LRMDA: variants seen among roughly 807,000 people sequenced by gnomAD.
LRMDA encodes the protein leucine-rich melanocyte differentiation-associated protein.
A neutral mutation model predicts 29.8 loss-of-function variants in LRMDA; 18 were observed. That is an observed-to-expected ratio of 0.60 (90% CI 0.42 to 0.90). The LOEUF (loss-of-function observed/expected upper bound fraction) is 0.90, where lower values mean the gene tolerates loss of function less well. LRMDA is among the 40% of genes least tolerant of loss of function. LRMDA has a pLI of 0.00. For synonymous variants in LRMDA, 125 were observed against 109.4 expected (o/e 1.14, Z -0.89); for missense variants, 273 against 273.9 (o/e 1.00, Z 0.02).
chr10:76,516,575 A>G (rs1843063788), intron 6 of LRMDA, among the ~76,000 whole-genome samples: 1 of 151,692 alleles, frequency 6.6e-6, no homozygotes, highest in Non-Finnish European at 1.5e-5. Context: ...ATTCCCACCT[A>G]TGAGTGAGAA....
chr10:76,073,209 A>G (rs1391533829), intron 5 of LRMDA, among the ~76,000 whole-genome samples: 1 of 152,188 alleles, frequency 6.6e-6, no homozygotes, highest in Non-Finnish European at 1.5e-5. Context: ...TTTTTTAACA[A>G]TGTTATGGTT....
At chr10:75,495,739 C>T (rs1034017012) in intron 2 of LRMDA, among the ~76,000 whole-genome samples, 14 of 152,182 alleles carry the variant, frequency 9.2e-5, no homozygotes, top group Non-Finnish European at 1.6e-4. Flanking sequence ...ATGCATCCAC[C>T]CTCCTGTGAA....
intron 2 of LRMDA, among the ~76,000 whole-genome samples, chr10:76,024,063 G>C (rs900051727): frequency 1.3e-5 from 2 of 152,170 alleles, no homozygotes; most frequent in Admixed American, 6.5e-5. Flanking sequence ...ACCAGGACTT[G>C]AAAACAGAGC....
intron 5 of LRMDA, among the ~76,000 whole-genome samples, chr10:76,115,574 A>C (rs947429955): frequency 6.6e-6 from 1 of 152,202 alleles, no homozygotes; most frequent in Admixed American, 6.5e-5. Flanking sequence ...AGGGAGCTAA[A>C]CTTTAATCTC....
At chr10:76,287,280 T>C (rs1325046151) in intron 5 of LRMDA, among the ~76,000 whole-genome samples, 6 of 152,108 alleles carry the variant, frequency 3.9e-5, no homozygotes, top group African/African-American at 9.7e-5. Context: ...AATCTTAGTT[T>C]TGTTTCTATC....
intron 5 of LRMDA, among the ~76,000 whole-genome samples, chr10:76,297,093 A>G (rs1840419993): frequency 6.6e-6 from 1 of 152,250 alleles, no homozygotes; most frequent in Non-Finnish European, 1.5e-5. Context: ...GAAATGTCTT[A>G]AATGATCCGC....
chr10:75,875,123 G>A (rs1373499058), intron 2 of LRMDA, among the ~76,000 whole-genome samples: 1 of 152,224 alleles, frequency 6.6e-6, no homozygotes, highest in Non-Finnish European at 1.5e-5. Flanking sequence ...ACCATGGCCA[G>A]CAGCTTGTGT....
At chr10:75,731,063 A>G (rs1357963746) in intron 2 of LRMDA, among the ~76,000 whole-genome samples, 3 of 152,324 alleles carry the variant, frequency 2.0e-5, no homozygotes, top group East Asian at 1.9e-4. Context: ...GCTATAAATC[A>G]TGTACATTGC....
chr10:75,552,872 T>C (rs532470836), intron 2 of LRMDA, among the ~76,000 whole-genome samples: 4 of 152,264 alleles, frequency 2.6e-5, no homozygotes, highest in Middle Eastern at 3.4e-3. Context: ...TCCTTTTTGT[T>C]ATCCTTTTGA....
At chr10:75,909,597 G>A (rs1246622985) in intron 2 of LRMDA, among the ~76,000 whole-genome samples, 1 of 152,134 alleles carries the variant, frequency 6.6e-6, no homozygotes, top group South Asian at 2.1e-4. Flanking sequence ...AAGTTGAGCT[G>A]GTGGTAGGTG....
intron 5 of LRMDA, among the ~76,000 whole-genome samples, chr10:76,319,538 T>C (rs1052518883): frequency 6.6e-6 from 1 of 152,198 alleles, no homozygotes; most frequent in African/African-American, 2.4e-5. Flanking sequence ...TTTTTTTTTA[T>C]GACCCAGCAA....
intron 2 of LRMDA, among the ~76,000 whole-genome samples, chr10:75,728,879 C>G (rs1345796518): frequency 6.6e-6 from 1 of 152,064 alleles, no homozygotes; most frequent in Non-Finnish European, 1.5e-5. Context: ...GAGTGGTGGT[C>G]TCCCCCTGCC....
intron 2 of LRMDA, among the ~76,000 whole-genome samples, chr10:75,710,831 T>C (rs1326595350): frequency 6.6e-6 from 1 of 152,248 alleles, no homozygotes; most frequent in Non-Finnish European, 1.5e-5. Flanking sequence ...ATTTGCAGTT[T>C]GCCTCTCAAA....
intron 2 of LRMDA, among the ~76,000 whole-genome samples, chr10:76,006,385 CCT>C (rs1847657335): frequency 2.6e-5 from 4 of 152,262 alleles, no homozygotes; most frequent in Non-Finnish European, 2.9e-5. Flanking sequence ...AACCGTTTTG[CCT>C]CTGTCCGGCC....
intron 5 of LRMDA, among the ~76,000 whole-genome samples, chr10:76,069,768 T>C (rs1234101576): frequency 2.0e-5 from 3 of 152,142 alleles, no homozygotes; most frequent in Non-Finnish European, 4.4e-5. Context: ...TCACGTATTT[T>C]TGTTGGGCCC....
At chr10:76,171,022 A>G (rs898512955) in intron 5 of LRMDA, among the ~76,000 whole-genome samples, 16 of 152,244 alleles carry the variant, frequency 1.1e-4, no homozygotes, top group African/African-American at 3.9e-4. Context: ...GTTAATATCT[A>G]GTTTTGTCTC....
chr10:75,889,427 G>T (rs539572905), intron 2 of LRMDA, among the ~76,000 whole-genome samples: 1 of 152,344 alleles, frequency 6.6e-6, no homozygotes, highest in South Asian at 2.1e-4. Flanking sequence ...TTTTGGAGTA[G>T]AGATTATTAG....
intron 5 of LRMDA, among the ~76,000 whole-genome samples, chr10:76,076,064 C>A (rs146765020): frequency 0.02 from 2,989 of 152,252 alleles, 59 homozygotes; most frequent in Non-Finnish European, 0.032. Flanking sequence ...TAACTTTGGG[C>A]TGGGCGCGGT....
intron 2 of LRMDA, among the ~76,000 whole-genome samples, chr10:76,008,528 A>G (rs1409968550): frequency 1.3e-5 from 2 of 152,148 alleles, no homozygotes; most frequent in African/African-American, 4.8e-5. Flanking sequence ...TTCTCTCTTG[A>G]GGTGTTATAT....
Sources: gnomAD v4.1 joint callset for allele counts (sites outside exome capture counted in the v4.1 genomes callset) on GRCh38, gnomAD v4.1.1 for gene constraint, MANE v1.5 for transcripts, NCBI Gene and HGNC (gene_info 2026-07-23, HGNC 2026-07-21) for gene names.